The following BFSP1 variants were observed in gnomAD, a reference collection of about 807,000 sequenced individuals.
The protein encoded by BFSP1 is beaded filament structural protein 1.
In BFSP1, 38 loss-of-function variants were observed where a neutral mutation model predicts 43.9. The ratio of observed to expected loss-of-function variants is 0.87; its 90% CI spans 0.67 to 1.14. BFSP1 has a LOEUF of 1.14. Ranked by LOEUF, BFSP1 falls within the 50% of genes most tolerant of loss-of-function variation. The pLI is 0.00. For synonymous variants in BFSP1, 352 were observed against 354.8 expected, an observed-to-expected ratio of 0.99 and a Z score of 0.09; for missense variants, 850 against 875.1, an observed-to-expected ratio of 0.97 and a Z score of 0.36.
At chr20:17,559,272 T>C (rs2035044724), upstream of BFSP1, among the ~76,000 whole-genome samples, 1 of 151,958 alleles carries the variant, frequency 6.6e-6, no homozygotes. Context: ...ACAAGTCCTC[T>C]AGAGCCCTGT....
At chr20:17,511,725 C>G (rs569094357) in intron 4 of BFSP1, among the ~76,000 whole-genome samples, 25 of 147,280 alleles carry the variant, frequency 1.7e-4, no homozygotes, top group African/African-American at 6.5e-4. Flanking sequence ...AAGAACAGCT[C>G]ATAATTCTCA....
intron 1 of BFSP1, among the ~76,000 whole-genome samples, chr20:17,557,546 G>A (rs2035013568): frequency 6.6e-6 from 1 of 152,198 alleles, no homozygotes; most frequent in Non-Finnish European, 1.5e-5. Flanking sequence ...ATGAGTGGTT[G>A]TAGGAGGGTT....
At chr20:17,530,487 T>G (rs2034510254) in intron 1 of BFSP1, among the ~76,000 whole-genome samples, 1 of 152,204 alleles carries the variant, frequency 6.6e-6, no homozygotes, top group Non-Finnish European at 1.5e-5. Flanking sequence ...AGATTCTATT[T>G]TTGTGGAACT....
chr20:17,535,633 CATAA>C (rs144282913), upstream of BFSP1, among the ~76,000 whole-genome samples: 3,830 of 152,196 alleles, frequency 0.025, 163 homozygotes, highest in African/African-American at 0.089. Context: ...TAAATATAAA[CATAA>C]ATAAGTATGA....
At chr20:17,545,669 T>A (rs2034788191) in intron 1 of BFSP1, among the ~76,000 whole-genome samples, 1 of 152,270 alleles carries the variant, frequency 6.6e-6, no homozygotes, top group East Asian at 1.9e-4. Context: ...AGCTTGGTAA[T>A]GCCTGCAAGG....
At chr20:17,532,371 C>T (rs2123541351), upstream of BFSP1, among the ~76,000 whole-genome samples, 1 of 146,702 alleles carries the variant, frequency 6.8e-6, no homozygotes, top group Middle Eastern at 3.6e-3. Flanking sequence ...CCCCACTGCA[C>T]TCCAGCCTGG....
At chr20:17,528,054 C>G (rs1005449533) in intron 1 of BFSP1, among the ~76,000 whole-genome samples, 1 of 152,138 alleles carries the variant, frequency 6.6e-6, no homozygotes, top group African/African-American at 2.4e-5. Context: ...ACATACTAAC[C>G]CATTGCTGCA....
rs1035644490 is a variant in BFSP1 at position 17,517,398 on chromosome 20, C to T, written c.439-2582G>A. On this transcript the variant is annotated intron_variant, in intron 2 of 7. Coordinates refer to ENST00000377873, the MANE Select transcript of BFSP1 (RefSeq NM_001195.5). ...CATTTCCTTTTGCGTTTCCTCCTGC[C>T]TCAGCCTCCCAAGTAGCTGGGACTA... The T allele has an allele frequency of 5.0e-5, 38 of 756,376 alleles. No individual in the cohort carries two copies. In the Admixed American group the frequency reaches 5.5e-4, roughly 11 times the overall value. 46.9% of individuals were successfully genotyped at this position (756,376 alleles called of 1,614,324 possible). A position where few individuals can be genotyped will look rare whatever the true frequency, so the allele number is the denominator to read the frequency against.
chr20:17,539,773 A>C lies in BFSP1; in HGVS notation c.3-14865T>G, dbSNP rs1286451720. ...AGAGCAAAACTCTATCTCAAAAAAA[A>C]AGACAAAAATTAAAAAAAGAAACAT... On this transcript the variant is annotated intron_variant, in intron 1 of 7. Coordinates refer to the BFSP1 transcript ENST00000377868. 7.9e-5 allele frequency among the ~76,000 whole-genome samples: 12 copies of C among 152,180 alleles called. No individual in the cohort carries two copies. In the East Asian group the frequency reaches 2.1e-3, roughly 27 times the overall value.
At chr20:17,550,462 C>CTTT (rs66786068) in intron 1 of BFSP1, among the ~76,000 whole-genome samples, 1 of 131,916 alleles carries the variant, frequency 7.6e-6, no homozygotes, top group Non-Finnish European at 1.6e-5. Flanking sequence ...GACTATAATC[C>CTTT]TTTTTTTTTT....
chr20:17,496,097 C>T (rs757541511), intron 7 of BFSP1, among the ~76,000 whole-genome samples: 10 of 152,224 alleles, frequency 6.6e-5, no homozygotes, highest in Admixed American at 2.6e-4. Flanking sequence ...TTATTAAGAA[C>T]TTCAGAACAG....
rs183302136 is a variant in BFSP1, at chr20:17,558,127, G to A, written c.2+561C>T. 5.7e-3 allele frequency among the ~76,000 whole-genome samples: 852 copies of A among 148,260 alleles called. 34 individuals carry two copies. The highest frequency in any genetic ancestry group is 0.048 in the Admixed American group (698 of 14,526). ...TCTTATACACACAAAGATGGGGGGG[G>A]GTTTTACTCAGCAAGAAAAATATTT... On this transcript the variant is annotated intron_variant, in intron 1 of 7. Transcript: ENST00000377868.
chr20:17,512,179 C>T (rs1008266357), intron 3 of BFSP1, 111 bp from the exon 4 acceptor site: 2 of 783,892 alleles, frequency 2.6e-6, no homozygotes, highest in African/African-American at 3.4e-5. Flanking sequence ...TCATCACAGA[C>T]AGGACAGACC....
upstream of BFSP1, among the ~76,000 whole-genome samples, chr20:17,532,123 A>C (rs894415837): frequency 5.3e-5 from 8 of 152,142 alleles, no homozygotes; most frequent in African/African-American, 1.9e-4. Context: ...ATAGAGCCCC[A>C]CCCATGGGCC....
intron 5 of BFSP1, among the ~76,000 whole-genome samples, chr20:17,506,133 G>A (rs2033931598): frequency 1.3e-5 from 2 of 152,308 alleles, no homozygotes; most frequent in South Asian, 4.1e-4. Context: ...GGGGCCTGAA[G>A]CCAAGGAGCC....
At chr20:17,514,635 C>CT in intron 3 of BFSP1, 86 bp downstream of exon 3, 2 of 1,327,816 alleles carry the variant, frequency 1.5e-6, no homozygotes, top group South Asian at 2.4e-5. Context: ...CTCTAGCAGT[C>CT]TGTTTTCAGC....
At position 17,538,791 on chromosome 20, in the gene BFSP1, T is replaced by G. The variant is rs150366680; in HGVS notation, c.3-13883A>C. On this transcript the variant is annotated intron_variant, in intron 1 of 7. Transcript: ENST00000377868. ...ATCCTCAGGACTGCGTTTGGAGAAG[T>G]GTCTTTTACAGTTATAATTTCTGTG... Among the ~76,000 whole-genome samples the G allele has an allele frequency of 2.7e-3, 407 of 152,288 alleles. 3 individuals carry two copies. Among genetic ancestry groups the G allele is most frequent in the African/African-American group, 9.4e-3 (390 of 41,554 alleles).
intron 1 of BFSP1, among the ~76,000 whole-genome samples, chr20:17,553,794 TACACACACACACACACACACAC>T (rs144515006): frequency 3.8e-5 from 4 of 104,996 alleles, no homozygotes; most frequent in East Asian, 2.6e-4. Flanking sequence ...TATATATATA[TACACACACACACACACACACAC>T]ACACACACAT....
chr20:17,529,090 T>A (rs867027170), intron 1 of BFSP1, among the ~76,000 whole-genome samples: 25 of 151,484 alleles, frequency 1.7e-4, no homozygotes, highest in Admixed American at 2.6e-4. Context: ...TGTGTGTGTG[T>A]GAGACAGAGT....
Sources: allele counts gnomAD v4.1 joint callset (sites outside exome capture counted in the v4.1 genomes callset), GRCh38; gene constraint gnomAD v4.1.1; transcripts MANE v1.5; gene names NCBI Gene and HGNC (gene_info 2026-07-23, HGNC 2026-07-21).